Variants in NOS1AP observed in about 807,000 individuals in gnomAD.
The protein encoded by NOS1AP is nitric oxide synthase 1 adaptor protein.
In NOS1AP, 21 loss-of-function variants were observed where a neutral mutation model predicts 56.2. That is an observed-to-expected ratio of 0.37 (90% CI 0.26 to 0.54). The LOEUF (loss-of-function observed/expected upper bound fraction) is 0.54. Ranked by LOEUF, NOS1AP falls within the 20% of genes least tolerant of loss-of-function variation. The pLI is 0.84. For synonymous variants in NOS1AP, 270 were observed against 274.6 expected (o/e 0.98, Z 0.17); for missense variants, 522 against 657.8 (o/e 0.79, Z 2.26).
intron 5 of NOS1AP, among the ~76,000 whole-genome samples, chr1:162,340,112 T>G (rs186009545): frequency 3.3e-5 from 5 of 152,330 alleles, no homozygotes; most frequent in Middle Eastern, 3.4e-3. Flanking sequence ...TAGAGTAGCT[T>G]GATTATGTGT....
At chr1:162,361,106 A>AGT (rs1219190863) in intron 8 of NOS1AP, among the ~76,000 whole-genome samples, 5 of 152,228 alleles carry the variant, frequency 3.3e-5, no homozygotes, top group African/African-American at 1.2e-4. Context: ...ACGTGGCCGT[A>AGT]GTGTCACATC....
intron 4 of NOS1AP, among the ~76,000 whole-genome samples, chr1:162,321,462 C>T (rs531979014): frequency 1.2e-3 from 187 of 152,092 alleles, no homozygotes; most frequent in African/African-American, 4.4e-3. Flanking sequence ...AGCAAACTAT[C>T]GCAAGGACAG....
intron 2 of NOS1AP, among the ~76,000 whole-genome samples, chr1:162,236,966 A>T (rs972011321): frequency 6.6e-6 from 1 of 152,196 alleles, no homozygotes; most frequent in Non-Finnish European, 1.5e-5. Flanking sequence ...AGAGCCCTGG[A>T]TAACCCCCAG....
chr1:162,108,133 T>C (rs147954442), intron 1 of NOS1AP, among the ~76,000 whole-genome samples: 115 of 152,270 alleles, frequency 7.6e-4, no homozygotes, highest in African/African-American at 2.7e-3. Flanking sequence ...GATTGCCAAA[T>C]ACCATTTCCT....
chr1:162,163,777 A>G (rs1650343657), intron 2 of NOS1AP, among the ~76,000 whole-genome samples: 1 of 152,168 alleles, frequency 6.6e-6, no homozygotes, highest in African/African-American at 2.4e-5. Flanking sequence ...GATTATTTCT[A>G]GGATTTTATT....
At chr1:162,258,782 A>G (rs1654115332) in intron 2 of NOS1AP, among the ~76,000 whole-genome samples, 1 of 152,174 alleles carries the variant, frequency 6.6e-6, no homozygotes, top group Non-Finnish European at 1.5e-5. Context: ...CCAGTCTAAC[A>G]CTGGGATAAG....
intron 2 of NOS1AP, among the ~76,000 whole-genome samples, chr1:162,227,065 A>G (rs1019758461): frequency 1.3e-5 from 2 of 152,230 alleles, no homozygotes; most frequent in African/African-American, 4.8e-5. Context: ...CTGGATAATG[A>G]TTAATACATG....
chr1:162,207,197 C>T (rs1437325484), intron 2 of NOS1AP, among the ~76,000 whole-genome samples: 3 of 152,244 alleles, frequency 2.0e-5, no homozygotes, highest in Non-Finnish European at 1.5e-5. Flanking sequence ...ATACCAGCAT[C>T]CTTGCTCCAG....
chr1:162,208,712 T>C (rs1490125194), intron 2 of NOS1AP, among the ~76,000 whole-genome samples: 1 of 152,226 alleles, frequency 6.6e-6, no homozygotes, highest in Non-Finnish European at 1.5e-5. Context: ...CATTGATTAA[T>C]TGTGTTTTAG....
intron 4 of NOS1AP, among the ~76,000 whole-genome samples, chr1:162,315,683 A>T (rs1383434500): frequency 1.3e-5 from 2 of 152,204 alleles, no homozygotes; most frequent in African/African-American, 2.4e-5. Flanking sequence ...AGCCTTTCCC[A>T]GTTGCTGGCA....
At chr1:162,241,002 T>C (rs892451926) in intron 2 of NOS1AP, among the ~76,000 whole-genome samples, 1 of 152,204 alleles carries the variant, frequency 6.6e-6, no homozygotes, top group Non-Finnish European at 1.5e-5. Context: ...GAGTAGAGGC[T>C]GAAATCCAGC....
chr1:162,293,113 G>A (rs181979210), intron 3 of NOS1AP, among the ~76,000 whole-genome samples: 9 of 152,240 alleles, frequency 5.9e-5, no homozygotes, highest in African/African-American at 1.7e-4. Context: ...TGAAATGCAC[G>A]TTCCTATATC....
chr1:162,323,564 G>T (rs1435338268), intron 4 of NOS1AP, among the ~76,000 whole-genome samples: 1 of 152,188 alleles, frequency 6.6e-6, no homozygotes, highest in Non-Finnish European at 1.5e-5. Context: ...ATGAGTTTTT[G>T]CCTGTAAAGT....
chr1:162,324,101 G>A (rs910069957), intron 4 of NOS1AP, among the ~76,000 whole-genome samples: 1 of 152,154 alleles, frequency 6.6e-6, no homozygotes, highest in South Asian at 2.1e-4. Flanking sequence ...TTTGTGGTGT[G>A]TTCATTTTCT....
intron 4 of NOS1AP, among the ~76,000 whole-genome samples, chr1:162,322,693 C>T (rs749286694): frequency 2.0e-5 from 3 of 152,124 alleles, no homozygotes; most frequent in Non-Finnish European, 2.9e-5. Context: ...CCACGTGTCC[C>T]CTGAAAATCT....
chr1:162,167,793 T>C (rs141336142), intron 2 of NOS1AP, among the ~76,000 whole-genome samples: 2 of 152,304 alleles, frequency 1.3e-5, no homozygotes, highest in East Asian at 3.9e-4. Context: ...TTTATCCTGA[T>C]CCAGGAGAGC....
At chr1:162,093,531 G>A (rs1302717592) in intron 1 of NOS1AP, among the ~76,000 whole-genome samples, 2 of 152,182 alleles carry the variant, frequency 1.3e-5, no homozygotes, top group Admixed American at 6.5e-5. Context: ...ATACAGTTTA[G>A]TGGAAGAGAT....
At chr1:162,099,701 A>G (rs952007233) in intron 1 of NOS1AP, among the ~76,000 whole-genome samples, 4 of 152,012 alleles carry the variant, frequency 2.6e-5, no homozygotes, top group African/African-American at 9.7e-5. Flanking sequence ...TTACATATCT[A>G]TACATGTGCC....
chr1:162,361,547 GC>G (rs1571246365), intron 8 of NOS1AP, among the ~76,000 whole-genome samples: 1 of 152,344 alleles, frequency 6.6e-6, no homozygotes, highest in South Asian at 2.1e-4. Flanking sequence ...TGAGCCTTAT[GC>G]CCAGTACCAC....
Sources: allele counts gnomAD v4.1 joint callset (sites outside exome capture counted in the v4.1 genomes callset), GRCh38; gene constraint gnomAD v4.1.1; transcripts MANE v1.5; gene names NCBI Gene and HGNC (gene_info 2026-07-23, HGNC 2026-07-21).